The following SLC2A1 variants were observed in gnomAD, a reference collection of about 807,000 sequenced individuals.
The protein encoded by SLC2A1 is solute carrier family 2 member 1.
In SLC2A1, 4 loss-of-function variants were observed where a neutral mutation model predicts 46.6. That is an observed-to-expected ratio of 0.09 (90% CI 0.04 to 0.20). The LOEUF (loss-of-function observed/expected upper bound fraction) is 0.20, where lower values mean the gene tolerates loss of function less well. Among genes scored for constraint, SLC2A1 ranks in the 10% least tolerant of loss-of-function variants. The pLI is 1.00. For missense variants in SLC2A1, 352 were observed against 667.0 expected, an observed-to-expected ratio of 0.53 and a Z score of 5.20; for synonymous variants, 253 against 270.0, an observed-to-expected ratio of 0.94 and a Z score of 0.62.
intron 1 of SLC2A1, among the ~76,000 whole-genome samples, 191 bp downstream of exon 1, chr1:42,958,443 A>G (rs981309406): frequency 6.7e-6 from 1 of 150,334 alleles, no homozygotes; most frequent in African/African-American, 2.4e-5. Flanking sequence ...TCCGAAGCCC[A>G]TCCCCACTGC....
chr1:42,927,552 A>G lies in SLC2A1; in HGVS notation c.1278+53T>C. On this transcript the variant is annotated intron_variant, in intron 9 of 9. Transcript: ENST00000426263. This position sits in a 1 kb window ranked among gnomAD's most constrained non-coding sequence, Gnocchi z 5.3. ...AGAATGCTGGGCCAGCACTTTGCAC[A>G]GCACTGTGGGGTCATGCGTGCGGGT... 6 of 1,503,934 alleles carry G rather than the reference A, an allele frequency of 4.0e-6. No homozygotes were observed. The highest frequency in any genetic ancestry group is 2.3e-5 in the East Asian group (1 of 44,020). 93.2% of individuals were successfully genotyped at this position (1,503,934 alleles called of 1,614,324 possible).
rs1227537819 is a variant in SLC2A1 at position 42,927,777 on chromosome 1, A to T, written c.1106T>A (p.Ile369Asn). The T allele has an allele frequency of 6.2e-7, 1 of 1,613,806 alleles. No individual in the cohort carries two copies. Among genetic ancestry groups the T allele is most frequent in the Non-Finnish European group, 8.5e-7 (1 of 1,179,828 alleles). Reference sequence around the variant, plus strand: ...GGCCACAAAGCCAAAGATGGCCACGATGCTCAGATAGGACATCCAGGGTAG... The same window carrying T: ...GGCCACAAAGCCAAAGATGGCCACGTTGCTCAGATAGGACATCCAGGGTAG... ...EQLPWMSYLS[I>N]VAIFGFVAFF... The change falls in exon 9 of 10, where the codon ATC becomes AAC. Residue 369 changes from isoleucine to asparagine, a missense_variant. Around this residue, in one of 5 missense-constraint regions of SLC2A1, gnomAD observed 167 missense variants for 280.8 expected, o/e 0.59. Coordinates refer to ENST00000426263, the MANE Select transcript of SLC2A1 (RefSeq NM_006516.4). This position sits in a 1 kb window ranked among gnomAD's most constrained non-coding sequence, Gnocchi z 5.3.
Position 42,958,743 on chromosome 1 carries a change from G to T in SLC2A1, c.-92C>A. On this transcript the variant is annotated 5_prime_UTR_variant, in exon 1 of 10. Transcript: ENST00000426263. ...CTCTCCCGCTCAGGCTCGTGCTCCG[G>T]TCCGGGGACTCCCACTGCGACTCTG... The T allele has an allele frequency of 7.5e-7, 1 of 1,339,416 alleles. No homozygotes were observed. The highest frequency in any genetic ancestry group is 1.0e-6 in the Non-Finnish European group (1 of 976,822). 83.0% of individuals were successfully genotyped at this position (1,339,416 alleles called of 1,614,324 possible).
At chr1:42,951,684 A>T in intron 1 of SLC2A1, 1 of 394,736 alleles carries the variant, frequency 2.5e-6, no homozygotes, top group Non-Finnish European at 4.5e-6. Flanking sequence ...TTTTAATCCA[A>T]TTTTTTTTCC....
At chr1:42,953,970 G>C (rs1643749045) in intron 1 of SLC2A1, among the ~76,000 whole-genome samples, 1 of 152,156 alleles carries the variant, frequency 6.6e-6, no homozygotes. Flanking sequence ...ACATCCACTG[G>C]GGGTAGCCAA....
intron 8 of SLC2A1, 94 bp downstream of exon 8, chr1:42,928,838 G>T: frequency 1.8e-6 from 2 of 1,126,170 alleles, no homozygotes; most frequent in South Asian, 2.5e-5. Context: ...GCCACCAAAA[G>T]GCCTGCCAGC....
Position 42,927,887 on chromosome 1 carries a change from C to T in SLC2A1, c.1075-79G>A. ...CAGGGGAAACAGAAGCTACAGAGGC[C>T]AGAGCAGAGCTATGCGAGAAGGCAG... is the stretch of plus-strand genomic sequence containing the variant. On this transcript the variant is annotated intron_variant, in intron 8 of 9. Coordinates refer to ENST00000426263, the MANE Select transcript of SLC2A1 (RefSeq NM_006516.4). The surrounding 1 kb of genome is among the most constrained non-coding windows in gnomAD (Gnocchi z 5.3). 2 of 1,094,862 alleles carry T rather than the reference C, an allele frequency of 1.8e-6. No individual in the cohort carries two copies. Among genetic ancestry groups the T allele is most frequent in the Non-Finnish European group, 2.7e-6 (2 of 735,736 alleles). The allele number at this position is 1,094,862 out of a possible 1,614,324, so 67.8% of individuals were successfully genotyped here.
At chr1:42,941,164 C>G (rs532942124) in intron 2 of SLC2A1, among the ~76,000 whole-genome samples, 41 of 152,300 alleles carry the variant, frequency 2.7e-4, no homozygotes, top group South Asian at 1.2e-3. Flanking sequence ...CCATACCAGA[C>G]GCCTGAGTCA....
At chr1:42,935,950 T>C (rs1037262664) in intron 2 of SLC2A1, among the ~76,000 whole-genome samples, 5 of 152,212 alleles carry the variant, frequency 3.3e-5, no homozygotes, top group Non-Finnish European at 7.4e-5. Context: ...GTTCTTTTTT[T>C]CTCAACCTTG....
In SLC2A1 at chr1:42,930,104, C is replaced by A. The variant is rs560625214; in HGVS notation, c.517-69G>T. On this transcript the variant is annotated intron_variant, in intron 4 of 9. Coordinates refer to ENST00000426263, the MANE Select transcript of SLC2A1 (RefSeq NM_006516.4). The surrounding 1 kb of genome is among the most constrained non-coding windows in gnomAD (Gnocchi z 6.2). ...TTCCCACCCCGTCCTGCCAGAGTGG[C>A]CTTCCCTACTTTGTGTCAGCTGCTG... 1.9e-6 allele frequency: 3 copies of A among 1,568,692 alleles called. No homozygotes were observed. Among genetic ancestry groups the A allele is most frequent in the South Asian group, 1.1e-5 (1 of 88,858 alleles).
chr1:42,935,595 C>T (rs187168592), intron 2 of SLC2A1, among the ~76,000 whole-genome samples: 25 of 152,308 alleles, frequency 1.6e-4, no homozygotes, highest in Admixed American at 1.4e-3. Flanking sequence ...AATCATTACC[C>T]TAAGAATGTA....
Position 42,927,956 on chromosome 1 carries a change from G to T in SLC2A1, c.1075-148C>A. The T allele has an allele frequency of 1.4e-6, 1 of 718,386 alleles. No individual in the cohort carries two copies. The highest frequency in any genetic ancestry group is 2.5e-6 in the Non-Finnish European group (1 of 403,600). 44.5% of individuals were successfully genotyped at this position (718,386 alleles called of 1,614,324 possible). A position where few individuals can be genotyped will look rare whatever the true frequency, so the allele number is the denominator to read the frequency against. ...TGGATTTGTTGTGTATCCAGCATTGGGCCTAAGTTTCCTCATCCGAACAAA... is the reference window on the plus strand; with the variant it reads ...TGGATTTGTTGTGTATCCAGCATTGTGCCTAAGTTTCCTCATCCGAACAAA... On this transcript the variant is annotated intron_variant, in intron 8 of 9. Coordinates refer to ENST00000426263, the MANE Select transcript of SLC2A1 (RefSeq NM_006516.4). This position sits in a 1 kb window ranked among gnomAD's most constrained non-coding sequence, Gnocchi z 5.3.
At chr1:42,948,953 A>G (rs1643691085) in intron 1 of SLC2A1, among the ~76,000 whole-genome samples, 1 of 152,084 alleles carries the variant, frequency 6.6e-6, no homozygotes, top group Non-Finnish European at 1.5e-5. Context: ...CTGTAGTCCC[A>G]GCTACTCGGG....
chr1:42,943,082 G>A, intron 2 of SLC2A1, 144 bp downstream of exon 2: 2 of 701,766 alleles, frequency 2.8e-6, no homozygotes, highest in Admixed American at 4.0e-5. Flanking sequence ...CATGATCAGG[G>A]CCAGAAAACT....
intron 2 of SLC2A1, among the ~76,000 whole-genome samples, chr1:42,936,332 C>T (rs945763929): frequency 6.6e-6 from 1 of 152,220 alleles, no homozygotes; most frequent in African/African-American, 2.4e-5. Flanking sequence ...GCCTTCACCC[C>T]TGTTCCTTGC....
Position 42,929,079 on chromosome 1 carries a change from C to T in SLC2A1, c.973-46G>A. On this transcript the variant is annotated intron_variant, in intron 7 of 9. Transcript: ENST00000426263. The surrounding 1 kb of genome is among the most constrained non-coding windows in gnomAD (Gnocchi z 6.0). ...AGTGCCACCCCTGCCTAGTGCCCTT[C>T]TGAACCCACCCACCCAGAGGCCTTG... 2.5e-6 allele frequency: 4 copies of T among 1,590,846 alleles called. 1 individual carries two copies. The South Asian group carries it at 4.4e-5, about 18-fold the overall frequency.
rs1251048149 is a variant in SLC2A1, at chr1:42,930,388, G to A, written c.516+238C>T. 1.7e-5 allele frequency: 12 copies of A among 703,112 alleles called. No individual in the cohort carries two copies. The East Asian group carries it at 2.5e-4, about 14-fold the overall frequency. The allele number at this position is 703,112 out of a possible 1,614,324, so 43.6% of individuals were successfully genotyped here. On this transcript the variant is annotated intron_variant, in intron 4 of 9. Coordinates refer to ENST00000426263, the MANE Select transcript of SLC2A1 (RefSeq NM_006516.4). The surrounding 1 kb of genome is among the most constrained non-coding windows in gnomAD (Gnocchi z 6.2). ...AGCCTGCGGCATGTTGGGGGAAGGCGGGCCCTGTGGTTGGAAGCCTAGAGT... is the reference window on the plus strand; with the variant it reads ...AGCCTGCGGCATGTTGGGGGAAGGCAGGCCCTGTGGTTGGAAGCCTAGAGT...
chr1:42,943,891 G>A (rs990961141), intron 1 of SLC2A1, among the ~76,000 whole-genome samples: 3 of 152,090 alleles, frequency 2.0e-5, no homozygotes, highest in African/African-American at 4.8e-5. Flanking sequence ...CAACAGCTTC[G>A]TTTGTCACAT....
chr1:42,947,359 C>T (rs1345959183), intron 1 of SLC2A1, among the ~76,000 whole-genome samples: 1 of 152,160 alleles, frequency 6.6e-6, no homozygotes, highest in East Asian at 1.9e-4. Flanking sequence ...ATTCCATTCT[C>T]TTCCAGGCCT....
Sources: gnomAD v4.1 joint callset for allele counts (sites outside exome capture counted in the v4.1 genomes callset) on GRCh38, gnomAD v4.1.1 for gene constraint, gnomAD v4.1.1 regional missense constraint, Gnocchi (gnomAD v3.1) non-coding constraint, MANE v1.5 for transcripts, NCBI Gene and HGNC (gene_info 2026-07-23, HGNC 2026-07-21) for gene names.